Variants in LRP1B observed in about 807,000 individuals in gnomAD.
The protein encoded by LRP1B is LDL receptor related protein 1B, also known as low-density lipoprotein receptor-related protein 1B.
Under a neutral mutation model 556.6 loss-of-function variants are expected in LRP1B, and 217 were observed. The ratio of observed to expected loss-of-function variants is 0.39; its 90% CI spans 0.35 to 0.44. The LOEUF (loss-of-function observed/expected upper bound fraction) is 0.44. LRP1B is among the 20% of genes least tolerant of loss of function. The pLI is 1.00. For missense variants in LRP1B, 5,053 were observed against 5,620.8 expected (o/e 0.90, Z 3.23); for synonymous variants, 2,047 against 1,865.8 (o/e 1.10, Z -2.50).
chr2:141,188,139 T>C (rs1681342185), intron 7 of LRP1B, among the ~76,000 whole-genome samples: 1 of 151,984 alleles, frequency 6.6e-6, no homozygotes, highest in Non-Finnish European at 1.5e-5. Context: ...TGCTGAGGCT[T>C]TTCTCTGATG....
At chr2:141,225,070 C>T (rs915489264) in intron 6 of LRP1B, among the ~76,000 whole-genome samples, 8 of 151,882 alleles carry the variant, frequency 5.3e-5, no homozygotes, top group South Asian at 4.2e-4. Context: ...TCAAATAGAA[C>T]GTAATTTAAA....
intron 85 of LRP1B, among the ~76,000 whole-genome samples, chr2:140,273,554 T>C (rs1001467714): frequency 1.3e-5 from 2 of 152,040 alleles, no homozygotes; most frequent in African/African-American, 4.8e-5. Flanking sequence ...TTGGGCCTTG[T>C]TTGGCAGAGC....
chr2:140,975,511 C>T (rs1371544346), intron 18 of LRP1B, among the ~76,000 whole-genome samples: 1 of 54,418 alleles, frequency 1.8e-5, no homozygotes, highest in Admixed American at 2.1e-4. Flanking sequence ...AGTTTCCCCC[C>T]ATTCTTAGAA....
At position 140,843,922 on chromosome 2, in the gene LRP1B, G is replaced by A. The variant is rs538909732; in HGVS notation, c.4940-2830C>T. Among the ~76,000 whole-genome samples the A allele has an allele frequency of 7.2e-5, 11 of 152,154 alleles. No individual in the cohort carries two copies. In the East Asian group the frequency reaches 9.7e-4, roughly 13 times the overall value. The stretch of plus-strand genomic sequence containing the variant: ...AGTTGCATACAACATTGCCTTCAAC[G>A]TAAATATTTTTAATGAATTAATGAA... On this transcript the variant is annotated intron_variant, in intron 29 of 90. Transcript: ENST00000389484.
rs2105017515 is a variant in LRP1B, at chr2:140,541,112, G to A, written c.7388-14C>T. 2 of 1,596,982 alleles carry A rather than the reference G, an allele frequency of 1.3e-6. No homozygotes were observed. Among genetic ancestry groups the A allele is most frequent in the Non-Finnish European group, 1.7e-6 (2 of 1,167,880 alleles). On this transcript the variant is annotated splice_polypyrimidine_tract_variant and intron_variant, in intron 44 of 90. Coordinates refer to ENST00000389484, the MANE Select transcript of LRP1B (RefSeq NM_018557.3). ...GAGAAAGTTCACCTACAATAAAGAG[G>A]GTGTATTGGTAACATTTTATATCGA...
At chr2:141,058,807 A>G in intron 9 of LRP1B, 76 bp downstream of exon 9, 2 of 1,265,876 alleles carry the variant, frequency 1.6e-6, no homozygotes, top group Non-Finnish European at 2.1e-6. Context: ...TCACTTCAAC[A>G]CCATACAAAA....
At chr2:140,910,669 AT>A (rs1694393909) in intron 21 of LRP1B, among the ~76,000 whole-genome samples, 1 of 152,042 alleles carries the variant, frequency 6.6e-6, no homozygotes, top group Non-Finnish European at 1.5e-5. Context: ...TCATAAAGAA[AT>A]TGTAATGGTT....
intron 32 of LRP1B, among the ~76,000 whole-genome samples, chr2:140,797,266 G>A (rs1690349556): frequency 6.6e-6 from 1 of 151,794 alleles, no homozygotes; most frequent in African/African-American, 2.4e-5. Flanking sequence ...TTTTAAAGAA[G>A]GTAAGTTACC....
chr2:141,992,824 G>A (rs1702385028), intron 1 of LRP1B, among the ~76,000 whole-genome samples: 1 of 152,002 alleles, frequency 6.6e-6, no homozygotes, highest in Admixed American at 6.6e-5. Context: ...AGTGCTCAGG[G>A]CTCCATAGAT....
Position 141,657,494 on chromosome 2 carries a change from T to C in LRP1B, c.205+152785A>G, listed in dbSNP as rs1188178819. ...ATATTCTATAGGTATGATGATCTATTAGAATTTAAATTAACTGAATTTCAA... is the reference window on the plus strand; with the variant it reads ...ATATTCTATAGGTATGATGATCTATCAGAATTTAAATTAACTGAATTTCAA... On this transcript the variant is annotated intron_variant, in intron 2 of 90. Coordinates refer to ENST00000389484, the MANE Select transcript of LRP1B (RefSeq NM_018557.3). Among the ~76,000 whole-genome samples, 6 of 152,190 alleles carry C rather than the reference T, an allele frequency of 3.9e-5. No homozygotes were observed. The East Asian group carries it at 1.2e-3, about 29-fold the overall frequency.
intron 66 of LRP1B, among the ~76,000 whole-genome samples, chr2:140,391,191 A>G (rs1684004272): frequency 6.6e-6 from 1 of 152,200 alleles, no homozygotes; most frequent in African/African-American, 2.4e-5. Flanking sequence ...CCAAGAATAA[A>G]AAAACTAAAT....
intron 3 of LRP1B, among the ~76,000 whole-genome samples, chr2:141,290,447 A>G (rs1475850067): frequency 6.6e-6 from 1 of 152,134 alleles, no homozygotes; most frequent in Non-Finnish European, 1.5e-5. Flanking sequence ...AATTATGACC[A>G]TTGTTCCCTG....
intron 1 of LRP1B, among the ~76,000 whole-genome samples, chr2:142,014,240 A>C (rs1013025760): frequency 1.3e-5 from 2 of 149,398 alleles, no homozygotes; most frequent in African/African-American, 5.1e-5. Flanking sequence ...CTTGCACGAG[A>C]TCGAAGAACC....
At chr2:141,608,188 C>T (rs1033139738) in intron 2 of LRP1B, among the ~76,000 whole-genome samples, 2 of 152,122 alleles carry the variant, frequency 1.3e-5, no homozygotes, top group African/African-American at 4.8e-5. Context: ...CAGGCCATTT[C>T]ACTCCAGCCT....
chr2:142,106,071 A>G (rs1219411769), intron 1 of LRP1B, among the ~76,000 whole-genome samples: 1 of 152,076 alleles, frequency 6.6e-6, no homozygotes, highest in Non-Finnish European at 1.5e-5. Flanking sequence ...CACTTGCTTT[A>G]CTCTGCAGCC....
chr2:140,479,349 G>T (rs779956903), intron 59 of LRP1B, among the ~76,000 whole-genome samples: 2 of 151,274 alleles, frequency 1.3e-5, no homozygotes, highest in Non-Finnish European at 2.9e-5. Context: ...AATGACAACT[G>T]CCGTGAAAAT....
chr2:141,352,042 T>C (rs566945022), intron 3 of LRP1B, among the ~76,000 whole-genome samples: 2 of 151,958 alleles, frequency 1.3e-5, no homozygotes, highest in East Asian at 3.9e-4. Context: ...AAGAAAATGA[T>C]AATGAGAAGA....
intron 89 of LRP1B, among the ~76,000 whole-genome samples, chr2:140,235,945 A>G (rs1329835382): frequency 6.6e-6 from 1 of 151,044 alleles, no homozygotes; most frequent in East Asian, 2.0e-4. Context: ...TCTCCTTCAT[A>G]GATATAATAG....
intron 18 of LRP1B, among the ~76,000 whole-genome samples, chr2:140,968,535 T>G (rs1696307950): frequency 6.6e-6 from 1 of 151,446 alleles, no homozygotes; most frequent in Non-Finnish European, 1.5e-5. Flanking sequence ...CTCCTTCAAT[T>G]CTGCTCTGAT....
Sources: gnomAD v4.1 joint callset for allele counts (sites outside exome capture counted in the v4.1 genomes callset) on GRCh38, gnomAD v4.1.1 for gene constraint, MANE v1.5 for transcripts, NCBI Gene and HGNC (gene_info 2026-07-23, HGNC 2026-07-21) for gene names.